SLC25A21: variants seen among roughly 807,000 people sequenced by gnomAD.
SLC25A21 encodes the protein mitochondrial 2-oxodicarboxylate carrier.
A neutral mutation model predicts 43.8 loss-of-function variants in SLC25A21; 47 were observed. That is an observed-to-expected ratio of 1.07 (90% CI 0.85 to 1.37). The LOEUF (loss-of-function observed/expected upper bound fraction) is 1.37, where lower values mean the gene tolerates loss of function less well. Ranked by LOEUF, SLC25A21 falls within the 40% of genes most tolerant of loss-of-function variation. The pLI, the probability that SLC25A21 is intolerant of heterozygous loss-of-function variation, is 0.00. For missense variants in SLC25A21, 352 were observed against 350.2 expected (o/e 1.00, Z -0.04); for synonymous variants, 131 against 121.3 (o/e 1.08, Z -0.52).
intron 2 of SLC25A21, among the ~76,000 whole-genome samples, chr14:36,867,925 T>C (rs1890259128): frequency 6.6e-6 from 1 of 151,766 alleles, no homozygotes; most frequent in African/African-American, 2.4e-5. Flanking sequence ...GTCACATAGG[T>C]AATGAGTGGA....
intron 3 of SLC25A21, among the ~76,000 whole-genome samples, chr14:36,789,867 AT>A (rs1404735502): frequency 1.1e-5 from 1 of 93,872 alleles, no homozygotes; most frequent in African/African-American, 4.8e-5. Context: ...TTATATAAAA[AT>A]ATATTATATA....
At chr14:36,929,231 T>C (rs1005038538) in intron 1 of SLC25A21, among the ~76,000 whole-genome samples, 2 of 152,172 alleles carry the variant, frequency 1.3e-5, no homozygotes, top group African/African-American at 2.4e-5. Flanking sequence ...GCATGATGCC[T>C]AGAACACAGT....
At chr14:36,912,333 T>C (rs1436825067) in intron 1 of SLC25A21, among the ~76,000 whole-genome samples, 1 of 152,190 alleles carries the variant, frequency 6.6e-6, no homozygotes, top group Non-Finnish European at 1.5e-5. Flanking sequence ...TACCAGGAAC[T>C]GTGACTGAGG....
intron 1 of SLC25A21, among the ~76,000 whole-genome samples, chr14:37,122,687 A>G (rs1020623971): frequency 5.3e-5 from 8 of 152,168 alleles, no homozygotes; most frequent in African/African-American, 1.9e-4. Context: ...CTCCACACAA[A>G]AAGAAATTTA....
chr14:37,028,971 T>C (rs1237361165), intron 1 of SLC25A21, among the ~76,000 whole-genome samples: 1 of 152,222 alleles, frequency 6.6e-6, no homozygotes, highest in African/African-American at 2.4e-5. Context: ...TTCTCACTAG[T>C]CCTTGCCAAT....
At chr14:36,969,932 T>C (rs1356038011) in intron 1 of SLC25A21, among the ~76,000 whole-genome samples, 7 of 152,022 alleles carry the variant, frequency 4.6e-5, no homozygotes, top group Non-Finnish European at 8.8e-5. Flanking sequence ...AGCCTCAGGA[T>C]AGGGGAAGAG....
chr14:37,043,932 G>GTTTTTTTTT (rs1944478047), intron 1 of SLC25A21, among the ~76,000 whole-genome samples: 1 of 89,738 alleles, frequency 1.1e-5, no homozygotes, highest in African/African-American at 8.1e-5. Context: ...TTTGTTTTAT[G>GTTTTTTTTT]TTTTTTTGTT....
chr14:36,709,354 T>C (rs2139185181), intron 7 of SLC25A21, among the ~76,000 whole-genome samples: 1 of 152,324 alleles, frequency 6.6e-6, no homozygotes, highest in East Asian at 1.9e-4. Context: ...GGGCTCTGCA[T>C]TTGCATTCTT....
intron 1 of SLC25A21, among the ~76,000 whole-genome samples, chr14:36,889,326 A>C (rs568503050): frequency 2.0e-5 from 3 of 152,342 alleles, no homozygotes; most frequent in African/African-American, 7.2e-5. Context: ...AACTGACTGC[A>C]TGTCATGTAA....
intron 4 of SLC25A21, among the ~76,000 whole-genome samples, chr14:36,731,055 C>T (rs1189930706): frequency 1.3e-5 from 2 of 151,360 alleles, no homozygotes; most frequent in African/African-American, 2.4e-5. Flanking sequence ...TCACTGCAAG[C>T]TCCGCCTCCC....
intron 1 of SLC25A21, among the ~76,000 whole-genome samples, chr14:37,171,407 C>A (rs1964126249): frequency 7.8e-6 from 1 of 128,594 alleles, no homozygotes; most frequent in African/African-American, 3.0e-5. Flanking sequence ...CTAGTCATTG[C>A]CTTAACAGGA....
chr14:36,715,680 A>G (rs1290475431), intron 6 of SLC25A21, among the ~76,000 whole-genome samples: 3 of 152,216 alleles, frequency 2.0e-5, no homozygotes, highest in Non-Finnish European at 4.4e-5. Context: ...TTTTGCTTTA[A>G]TTTTTACATG....
intron 1 of SLC25A21, among the ~76,000 whole-genome samples, chr14:37,166,247 A>T (rs1196824802): frequency 1.3e-5 from 2 of 152,218 alleles, no homozygotes; most frequent in Non-Finnish European, 2.9e-5. Flanking sequence ...TGGAGAAGTA[A>T]AATAACTAAA....
At chr14:36,915,668 G>A (rs1023207638) in intron 1 of SLC25A21, among the ~76,000 whole-genome samples, 1 of 152,030 alleles carries the variant, frequency 6.6e-6, no homozygotes, top group Non-Finnish European at 1.5e-5. Flanking sequence ...AGTTATTGAG[G>A]TTCCTGCTGT....
chr14:37,046,193 C>T (rs74631536), intron 1 of SLC25A21, among the ~76,000 whole-genome samples: 3,077 of 152,134 alleles, frequency 0.02, 105 homozygotes, highest in African/African-American at 0.07. Flanking sequence ...TGCTCTTCAC[C>T]ATGCTGCAAT....
chr14:37,139,398 CAAGAGT>C (rs1313041927), intron 1 of SLC25A21, among the ~76,000 whole-genome samples: 3 of 152,030 alleles, frequency 2.0e-5, no homozygotes, highest in Non-Finnish European at 4.4e-5. Flanking sequence ...TAGTTTCATA[CAAGAGT>C]AAGAGATATA....
rs778313578 is a variant in SLC25A21, at chr14:36,813,966, C to G, written c.155G>C (p.Ser52Thr). The change falls in exon 3 of 10, where the codon AGT (serine) becomes ACT (threonine). Residue 52 changes from serine to threonine, a missense_variant. Ser to Thr is a moderately conservative substitution (Grantham distance 58, BLOSUM62 1). Transcript: ENST00000331299. ...QIQRCATDPN[S>T]YKSLVDSFRM... ...AAAGCTGTCTACCAAGCTTTTATAA[C>G]TGTTTGGATCGGTTGCACATCTCTG... 9.9e-6 allele frequency: 16 copies of G among 1,610,300 alleles called. No homozygotes were observed. Among genetic ancestry groups the G allele is most frequent in the Non-Finnish European group, 3.4e-6 (4 of 1,179,142 alleles).
intron 1 of SLC25A21, among the ~76,000 whole-genome samples, chr14:37,131,017 T>C (rs1359418179): frequency 2.0e-5 from 3 of 152,142 alleles, no homozygotes; most frequent in Admixed American, 6.5e-5. Flanking sequence ...AAGATGATAA[T>C]CAGAGAGAAA....
rs527454209 is a variant in SLC25A21, at chr14:36,738,466, C to T, written c.204-3893G>A. 7.9e-5 allele frequency among the ~76,000 whole-genome samples: 12 copies of T among 152,290 alleles called. No homozygotes were observed. In the South Asian group the frequency reaches 1.7e-3, roughly 21 times the overall value. On this transcript the variant is annotated intron_variant, in intron 3 of 9. Transcript: ENST00000331299. ...ATTGGTGACACCCATTGTTAACATG[C>T]GTCATCCCGCTTATGTCACGAGCAG... is the stretch of plus-strand genomic sequence containing the variant.
Sources: gnomAD v4.1 joint callset for allele counts (sites outside exome capture counted in the v4.1 genomes callset) on GRCh38, gnomAD v4.1.1 for gene constraint, MANE v1.5 for transcripts, NCBI Gene and HGNC (gene_info 2026-07-23, HGNC 2026-07-21) for gene names.